Variants in LRRK2 observed in about 807,000 individuals in gnomAD.
The protein encoded by LRRK2 is leucine rich repeat kinase 2.
Under a neutral mutation model 302.6 loss-of-function variants are expected in LRRK2, and 203 were observed. The ratio of observed to expected loss-of-function variants is 0.67; its 90% CI spans 0.60 to 0.75. The LOEUF (loss-of-function observed/expected upper bound fraction) is 0.75, where lower values mean the gene tolerates loss of function less well. LRRK2 is among the 30% of genes least tolerant of loss of function. The pLI is 0.00. For synonymous variants in LRRK2, 1,066 were observed against 1,031.9 expected (o/e 1.03, Z -0.63); for missense variants, 2,830 against 2,951.0 (o/e 0.96, Z 0.95).
chr12:40,347,927 A>G (rs1565770334), intron 42 of LRRK2, among the ~76,000 whole-genome samples: 1 of 150,276 alleles, frequency 6.7e-6, no homozygotes, highest in Non-Finnish European at 1.5e-5. Flanking sequence ...ACTGCACTCC[A>G]GCCTAAGCAA....
chr12:40,303,828 C>A, intron 26 of LRRK2, 120 bp from the exon 27 acceptor site: 2 of 930,872 alleles, frequency 2.1e-6, no homozygotes, highest in Non-Finnish European at 3.4e-6. Context: ...ACTCATATGT[C>A]AATAATGCTA....
At chr12:40,334,442 A>T (rs569024771) in intron 39 of LRRK2, among the ~76,000 whole-genome samples, 1 of 152,336 alleles carries the variant, frequency 6.6e-6, no homozygotes, top group South Asian at 2.1e-4. Flanking sequence ...CTGATAGCCC[A>T]CTGTTGACTG....
rs1437928534 is a variant in LRRK2 at position 40,281,063 on chromosome 12, G to A, written c.2241+2802G>A. 5.3e-4 allele frequency among the ~76,000 whole-genome samples: 55 copies of A among 104,316 alleles called. 1 individual carries two copies. The highest frequency in any genetic ancestry group is 5.2e-3 in the Admixed American group (54 of 10,376). 68.4% of individuals were successfully genotyped at this position (104,316 alleles called of 152,430 possible). A position where few individuals can be genotyped will look rare whatever the true frequency, so the allele number is the denominator to read the frequency against. ...AGCCTGGGCGACAGAGTGAGACTCC[G>A]TCTCAAAAAAAAAAAAAACAAAAAA... On this transcript the variant is annotated intron_variant, in intron 18 of 50. Transcript: ENST00000298910.
chr12:40,326,618 C>A (rs1449301450), intron 38 of LRRK2, among the ~76,000 whole-genome samples: 1 of 152,066 alleles, frequency 6.6e-6, no homozygotes, highest in Non-Finnish European at 1.5e-5. Flanking sequence ...TGAGGGGAGG[C>A]AGAACAAGAT....
Position 40,351,617 on chromosome 12 carries a change from T to A in LRRK2, c.6460T>A (p.Cys2154Ser), listed in dbSNP as rs1462731895. 1.2e-6 allele frequency: 2 copies of A among 1,614,096 alleles called. No individual in the cohort carries two copies. Among genetic ancestry groups the A allele is most frequent in the African/African-American group, 2.7e-5 (2 of 74,946 alleles). Residue 2154 changes from cysteine (C) to serine (S), a missense_variant, in exon 44 of 51, where the codon TGC becomes AGC. Around this residue, in one of 3 missense-constraint regions of LRRK2, gnomAD observed 456 missense variants for 456.3 expected, o/e 1.00. Coordinates refer to ENST00000298910, the MANE Select transcript of LRRK2 (RefSeq NM_198578.4). ...ILLPKNVIVE[C>S]MVATHHNSRN... The stretch of plus-strand genomic sequence containing the variant: ...ATTACCTAAAAACGTAATTGTTGAA[T>A]GCATGGTTGCTACACATCACAACAG...
chr12:40,237,406 G>A (rs1038466170), intron 4 of LRRK2, among the ~76,000 whole-genome samples: 8 of 152,170 alleles, frequency 5.3e-5, no homozygotes, highest in Non-Finnish European at 7.3e-5. Context: ...AAACACAATA[G>A]GAATGAAGGT....
Position 40,249,318 on chromosome 12 carries a change from C to CT in LRRK2, c.839-493dup, listed in dbSNP as rs776724212. Among the ~76,000 whole-genome samples the CT allele has an allele frequency of 3.1e-3, 424 of 138,830 alleles. 3 individuals carry two copies. The highest frequency in any genetic ancestry group is 0.025 in the South Asian group (108 of 4,378). The allele number at this position is 138,830 out of a possible 152,430, so 91.1% of individuals were successfully genotyped here. On this transcript the variant is annotated intron_variant, in intron 7 of 50. Transcript: ENST00000298910. ...GGGTGGGTTGGAGGTGGTGAAATAC[C>CT]TTTTTTTTTTTTTTTCTGAGATCAT...
intron 38 of LRRK2, among the ~76,000 whole-genome samples, chr12:40,327,083 G>A (rs1945576433): frequency 6.6e-6 from 1 of 152,156 alleles, no homozygotes; most frequent in Non-Finnish European, 1.5e-5. Flanking sequence ...TATCCATCAA[G>A]TGACTACATT....
chr12:40,251,669 G>A (rs2136480034), intron 10 of LRRK2, 125 bp downstream of exon 10: 2 of 830,294 alleles, frequency 2.4e-6, no homozygotes, highest in Non-Finnish European at 3.8e-6. Context: ...AGTTTTAGAT[G>A]TTGCTGCAAA....
At chr12:40,249,651 A>C (rs1484236747) in intron 7 of LRRK2, among the ~76,000 whole-genome samples, 175 bp from the exon 8 acceptor site, 1 of 152,186 alleles carries the variant, frequency 6.6e-6, no homozygotes, top group African/African-American at 2.4e-5. Flanking sequence ...GACAGCATAA[A>C]ATAAAATTTC....
chr12:40,317,172 TATG>T (rs1295420530), intron 33 of LRRK2, among the ~76,000 whole-genome samples: 2 of 152,048 alleles, frequency 1.3e-5, no homozygotes, highest in Non-Finnish European at 2.9e-5. Context: ...TAGTTATAAA[TATG>T]ATAATTTAAG....
intron 2 of LRRK2, among the ~76,000 whole-genome samples, chr12:40,231,280 C>T (rs1288852353): frequency 6.6e-6 from 1 of 150,898 alleles, no homozygotes; most frequent in Non-Finnish European, 1.5e-5. Context: ...GGGCCAGGTG[C>T]AGAGGCTCAC....
chr12:40,349,808 C>G (rs12306725), intron 43 of LRRK2, among the ~76,000 whole-genome samples: 1 of 152,208 alleles, frequency 6.6e-6, no homozygotes. Context: ...CTGGCCAAGT[C>G]TTCCTATTCT....
At chr12:40,237,929 G>T (rs766033609) in intron 4 of LRRK2, 40 bp from the exon 5 acceptor site, 22 of 1,587,972 alleles carry the variant, frequency 1.4e-5, no homozygotes, top group Non-Finnish European at 1.8e-5. Context: ...AAATGTTAAA[G>T]CAGCTCTTTA....
rs1181000014 is a variant in LRRK2, at chr12:40,322,511, G to A, written c.5509+1G>A. The A allele has an allele frequency of 2.5e-6, 4 of 1,612,232 alleles. No homozygotes were observed. The East Asian group carries it at 8.9e-5, about 36-fold the overall frequency. On this transcript the variant is annotated splice_donor_variant, in intron 37 of 50. Coordinates refer to ENST00000298910, the MANE Select transcript of LRRK2 (RefSeq NM_198578.4). LOFTEE classifies it high-confidence loss of function. ...GACTTGATGAAGAAAGCAGAGGAAG[G>A]TATGTTTTGATACAACTTACAAATG...
In LRRK2 at chr12:40,304,023, A is replaced by C. The variant is rs752517085; in HGVS notation, c.3666A>C (p.Leu1222Phe). 6.2e-7 allele frequency: 1 copy of C among 1,613,764 alleles called. No homozygotes were observed. Among genetic ancestry groups the C allele is most frequent in the Non-Finnish European group, 8.5e-7 (1 of 1,179,752 alleles). The change falls in exon 27 of 51, where the codon TTA becomes TTC. Residue 1222 changes from leucine (L) to phenylalanine (F), a missense_variant. Transcript: ENST00000298910. The part of the protein sequence containing the change: ...PGPAHWKSLN[L>F]RELLFSHNQI... Reference sequence around the variant, plus strand: ...CCGCACACTGGAAATCTTTGAACTTAAGGGAACTCTTATTTAGCCATAATC... The same window carrying C: ...CCGCACACTGGAAATCTTTGAACTTCAGGGAACTCTTATTTAGCCATAATC...
rs763866434 is a variant in LRRK2, at chr12:40,304,139, G to C, written c.3777+5G>C. The C allele has an allele frequency of 2.5e-6, 4 of 1,611,276 alleles. 1 individual carries two copies. The South Asian group carries it at 3.3e-5, about 13-fold the overall frequency. On this transcript the variant is annotated splice_donor_5th_base_variant and intron_variant, in intron 27 of 50. Transcript: ENST00000298910. The stretch of plus-strand genomic sequence containing the variant: ...TCTCACAATAAACTGAAAGAGGTAA[G>C]ACGATTATTGCCACTTAAAAAATAT...
At chr12:40,299,406 A>G (rs1300583184) in intron 25 of LRRK2, 149 bp downstream of exon 25, 4 of 850,778 alleles carry the variant, frequency 4.7e-6, no homozygotes, top group African/African-American at 3.4e-5. Flanking sequence ...CAGGTTGGCA[A>G]TAAAACAAAA....
At chr12:40,227,437 C>A (rs1940954165) in intron 2 of LRRK2, among the ~76,000 whole-genome samples, 1 of 152,120 alleles carries the variant, frequency 6.6e-6, no homozygotes, top group African/African-American at 2.4e-5. Context: ...TACACATTAA[C>A]CACCTTCTCT....
Sources: allele counts gnomAD v4.1 joint callset (sites outside exome capture counted in the v4.1 genomes callset), GRCh38; gene constraint gnomAD v4.1.1; regional missense constraint gnomAD v4.1.1; transcripts MANE v1.5; gene names NCBI Gene and HGNC (gene_info 2026-07-23, HGNC 2026-07-21).